The following RBBP4 variants were observed in gnomAD, a reference collection of about 807,000 sequenced individuals.
RBBP4 encodes histone-binding protein RBBP4.
In RBBP4, 3 loss-of-function variants were observed where a neutral mutation model predicts 57.2. That is an observed-to-expected ratio of 0.05 (90% CI 0.02 to 0.14). The LOEUF is 0.14. Among genes scored for constraint, RBBP4 ranks in the 10% least tolerant of loss-of-function variants. The pLI is 1.00. For synonymous variants in RBBP4, 151 were observed against 171.5 expected (o/e 0.88, Z 0.93); for missense variants, 107 against 520.6 (o/e 0.21, Z 7.73).
At chr1:32,652,171 C>T in intron 2 of RBBP4, 110 bp downstream of exon 2, 3 of 1,290,786 alleles carry the variant, frequency 2.3e-6, no homozygotes, top group Non-Finnish European at 2.1e-6. Context: ...GTGATCAAAA[C>T]CTCTTGGTGA....
In RBBP4 at chr1:32,682,375, G is replaced by C. The variant is rs569320635; in HGVS notation, c.*2670G>C. The stretch of plus-strand genomic sequence containing the variant: ...GGCAGAGTTGCAGTGAGCCAAGATC[G>C]TGCCACTACTCCAGCCTGGGCAAAA... On this transcript the variant is annotated 3_prime_UTR_variant, in exon 12 of 12. Coordinates refer to ENST00000373493, the MANE Select transcript of RBBP4 (RefSeq NM_005610.3). 1 of 152,208 alleles carries C rather than the reference G, an allele frequency of 6.6e-6. No homozygotes were observed. Among genetic ancestry groups the C allele is most frequent in the African/African-American group, 2.4e-5 (1 of 41,292 alleles). The allele number at this position is 152,208 out of a possible 1,614,324, so 9.4% of individuals were successfully genotyped here.
At chr1:32,673,193 C>T (rs550637008) in intron 11 of RBBP4, among the ~76,000 whole-genome samples, 38 of 152,200 alleles carry the variant, frequency 2.5e-4, no homozygotes, top group East Asian at 1.2e-3. Context: ...TCCTAGCTAA[C>T]CAGACTTGAA....
intron 3 of RBBP4, among the ~76,000 whole-genome samples, chr1:32,663,748 C>T (rs4620500): frequency 0.97 from 147,687 of 151,730 alleles, 71,991 homozygotes; most frequent in East Asian, 1. Context: ...AGCTAATTTT[C>T]TGTATTTTTA....
Position 32,682,121 on chromosome 1 carries a change from GGA to G in RBBP4, c.*2417_*2418del. ...TGAAATTCTGTAGTTTCATTTCTTT[GGA>G]TTAGTCGTTGTCTTTTCCAGATTGT... On this transcript the variant is annotated 3_prime_UTR_variant, in exon 12 of 12. Transcript: ENST00000373493. The G allele has an allele frequency of 2.2e-6, 1 of 460,452 alleles. No individual in the cohort carries two copies. Among genetic ancestry groups the G allele is most frequent in the Non-Finnish European group, 3.9e-6 (1 of 255,406 alleles). The allele number at this position is 460,452 out of a possible 1,614,324, so 28.5% of individuals were successfully genotyped here.
rs1032430974 is a variant in RBBP4 at position 32,680,475 on chromosome 1, T to A, written c.*770T>A. 2.6e-6 allele frequency: 4 copies of A among 1,540,400 alleles called. No individual in the cohort carries two copies. Among genetic ancestry groups the A allele is most frequent in the Middle Eastern group, 1.7e-4 (1 of 5,938 alleles). On this transcript the variant is annotated 3_prime_UTR_variant, in exon 12 of 12. Coordinates refer to ENST00000373493, the MANE Select transcript of RBBP4 (RefSeq NM_005610.3). ...AGAAGAGTGAATCAATAACTTGTAT[T>A]TGTTTTAAAAATTAAATTAATCCTT...
intron 11 of RBBP4, among the ~76,000 whole-genome samples, chr1:32,678,567 C>CTTTTTTTT (rs558897341): frequency 2.3e-5 from 1 of 43,620 alleles, no homozygotes; most frequent in African/African-American, 8.9e-5. Flanking sequence ...TATGTGACAG[C>CTTTTTTTT]TTTTTTTTTT....
chr1:32,651,684 G>GA (rs1647693636), intron 1 of RBBP4: 1 of 753,392 alleles, frequency 1.3e-6, no homozygotes, highest in African/African-American at 1.8e-5. Context: ...AGCGTGCTCC[G>GA]AAGGCCTGGC....
In RBBP4 at chr1:32,686,019, A is replaced by G. The variant is rs76037193; in HGVS notation, c.*6314A>G. The G allele has an allele frequency of 3.3e-5, 5 of 152,320 alleles. No individual in the cohort carries two copies. Among genetic ancestry groups the G allele is most frequent in the African/African-American group, 1.2e-4 (5 of 41,580 alleles). 9.4% of individuals were successfully genotyped at this position (152,320 alleles called of 1,614,324 possible). On this transcript the variant is annotated 3_prime_UTR_variant, in exon 12 of 12. Coordinates refer to ENST00000373493, the MANE Select transcript of RBBP4 (RefSeq NM_005610.3). Reference sequence around the variant, plus strand: ...GAACATTTTCCTCTAGCCCTGGACTACTAGTACCGAAGTCACTAGTCACAT... The same window carrying G: ...GAACATTTTCCTCTAGCCCTGGACTGCTAGTACCGAAGTCACTAGTCACAT...
At chr1:32,664,381 C>A (rs1317319148) in intron 3 of RBBP4, among the ~76,000 whole-genome samples, 1 of 152,142 alleles carries the variant, frequency 6.6e-6, no homozygotes, top group Non-Finnish European at 1.5e-5. Flanking sequence ...GCTCTGTGGG[C>A]TCTGTGCCAA....
rs184768768 is a variant in RBBP4 at position 32,683,740 on chromosome 1, C to T, written c.*4035C>T. The stretch of plus-strand genomic sequence containing the variant: ...CCTCTGCCTCCTGGTTCAAGCGATT[C>T]TCCTGCCTTGGCCTCCTGAGTAGCT... On this transcript the variant is annotated 3_prime_UTR_variant, in exon 12 of 12. Transcript: ENST00000373493. The T allele has an allele frequency of 8.4e-6, 3 of 357,288 alleles. No homozygotes were observed. In the East Asian group the frequency reaches 1.9e-4, roughly 22 times the overall value. The allele number at this position is 357,288 out of a possible 1,614,324, so 22.1% of individuals were successfully genotyped here.
chr1:32,663,137 A>G (rs766545786), intron 3 of RBBP4, among the ~76,000 whole-genome samples: 1 of 152,172 alleles, frequency 6.6e-6, no homozygotes, highest in Non-Finnish European at 1.5e-5. Flanking sequence ...AAAAATCACT[A>G]TGGTGGTTAC....
At chr1:32,668,036 T>C (rs1248509527) in intron 3 of RBBP4, among the ~76,000 whole-genome samples, 189 bp from the exon 4 acceptor site, 1 of 152,128 alleles carries the variant, frequency 6.6e-6, no homozygotes, top group Non-Finnish European at 1.5e-5. Flanking sequence ...TATTTCTTAT[T>C]AGTTATTTAA....
At chr1:32,658,960 T>G (rs1648272021) in intron 3 of RBBP4, among the ~76,000 whole-genome samples, 1 of 148,634 alleles carries the variant, frequency 6.7e-6, no homozygotes, top group Non-Finnish European at 1.5e-5. Flanking sequence ...CGTATATATG[T>G]ATGTATATGT....
chr1:32,684,294 A>G lies in RBBP4; in HGVS notation c.*4589A>G. ...GAGCTCTTCAGCAAGACTGAGCCTT[A>G]GCTGTTCCATCTCTTTGTTCTTCTG... On this transcript the variant is annotated 3_prime_UTR_variant, in exon 12 of 12. Coordinates refer to ENST00000373493, the MANE Select transcript of RBBP4 (RefSeq NM_005610.3). 1 of 1,614,208 alleles carries G rather than the reference A, an allele frequency of 6.2e-7. No homozygotes were observed. Among genetic ancestry groups the G allele is most frequent in the Non-Finnish European group, 8.5e-7 (1 of 1,180,026 alleles).
rs1385518778 is a variant in RBBP4, at chr1:32,679,953, C to G, written c.*248C>G. 7.8e-7 allele frequency: 1 copy of G among 1,274,788 alleles called. No individual in the cohort carries two copies. The highest frequency in any genetic ancestry group is 1.6e-5 in the African/African-American group (1 of 64,422). 79.0% of individuals were successfully genotyped at this position (1,274,788 alleles called of 1,614,324 possible). On this transcript the variant is annotated 3_prime_UTR_variant, in exon 12 of 12. Coordinates refer to ENST00000373493, the MANE Select transcript of RBBP4 (RefSeq NM_005610.3). ...TTCTAGTAACCCAGGTCTAAAGTAG[C>G]TACAGAAAGGGGAATATTATGTGTG... is the stretch of plus-strand genomic sequence containing the variant.
intron 2 of RBBP4, among the ~76,000 whole-genome samples, chr1:32,654,070 C>G (rs1300300964): frequency 6.6e-6 from 1 of 151,952 alleles, no homozygotes; most frequent in Non-Finnish European, 1.5e-5. Flanking sequence ...AGTGGTAATT[C>G]AAACCATTTA....
Position 32,684,153 on chromosome 1 carries a change from C to A in RBBP4, c.*4448C>A. The stretch of plus-strand genomic sequence containing the variant: ...TAAGCACAATTTGAAAATCATTTCC[C>A]AAATCCTCTTTTTGTTTTTGATTCT... On this transcript the variant is annotated 3_prime_UTR_variant, in exon 12 of 12. Transcript: ENST00000373493. 6.2e-7 allele frequency: 1 copy of A among 1,606,432 alleles called. No individual in the cohort carries two copies. Among genetic ancestry groups the A allele is most frequent in the South Asian group, 1.1e-5 (1 of 90,242 alleles).
chr1:32,675,597 G>A lies in RBBP4; in HGVS notation c.1212+2696G>A, dbSNP rs1056969819. ...ATCCTGGCTAACATGGTGAAACCCC[G>A]ACTCTACTAAAAATACAAAAAATTA... On this transcript the variant is annotated intron_variant, in intron 11 of 11. Transcript: ENST00000373493. 8.0e-4 allele frequency among the ~76,000 whole-genome samples: 121 copies of A among 150,728 alleles called. 1 individual carries two copies. Among genetic ancestry groups the A allele is most frequent in the Non-Finnish European group, 9.2e-4 (62 of 67,664 alleles).
At position 32,678,538 on chromosome 1, in the gene RBBP4, TATAAA is replaced by T. The variant is rs1649221116; in HGVS notation, c.1213-1101_1213-1097del. On this transcript the variant is annotated intron_variant, in intron 11 of 11. Coordinates refer to ENST00000373493, the MANE Select transcript of RBBP4 (RefSeq NM_005610.3). ...CACCACACCTGGCCTGGACACCTTA[TATAAA>T]TAAAATCCTAAAGTATGTGACAGCT... is the stretch of plus-strand genomic sequence containing the variant. 2.1e-5 allele frequency among the ~76,000 whole-genome samples: 3 copies of T among 141,164 alleles called. No individual in the cohort carries two copies. In the South Asian group the frequency reaches 7.3e-4, roughly 34 times the overall value. 92.6% of individuals were successfully genotyped at this position (141,164 alleles called of 152,430 possible). A position where few individuals can be genotyped will look rare whatever the true frequency, so the allele number is the denominator to read the frequency against.
Sources: gnomAD v4.1 joint callset for allele counts (sites outside exome capture counted in the v4.1 genomes callset) on GRCh38, gnomAD v4.1.1 for gene constraint, MANE v1.5 for transcripts, NCBI Gene and HGNC (gene_info 2026-07-23, HGNC 2026-07-21) for gene names.